The following RAB11FIP3 variants were observed in gnomAD, a reference collection of about 807,000 sequenced individuals.
The protein encoded by RAB11FIP3 is RAB11 family interacting protein 3.
RAB11FIP3 carries 17 observed loss-of-function variants against 77.8 expected under a neutral mutation model. That is an observed-to-expected ratio of 0.22 (90% CI 0.15 to 0.33). The LOEUF is 0.33. RAB11FIP3 is among the 10% of genes least tolerant of loss of function. The pLI, the probability that RAB11FIP3 is intolerant of heterozygous loss-of-function variation, is 1.00. For missense variants in RAB11FIP3, 1,005 were observed against 1,011.2 expected (o/e 0.99, Z 0.08); for synonymous variants, 437 against 448.2 (o/e 0.98, Z 0.31).
At position 507,939 on chromosome 16, in the gene RAB11FIP3, C is replaced by T. The variant is rs559070573; in HGVS notation, c.1499+2312C>T. ...TCAGTATCATCTGCCCGTTCTGAGC[C>T]ATTTGCTCTCTAGCTGTGCCGTACA... is the stretch of plus-strand genomic sequence containing the variant. On this transcript the variant is annotated intron_variant, in intron 8 of 13. Coordinates refer to ENST00000262305, the MANE Select transcript of RAB11FIP3 (RefSeq NM_014700.4). The surrounding 1 kb of genome is among the most constrained non-coding windows in gnomAD (Gnocchi z 4.6). Among the ~76,000 whole-genome samples, 166 of 152,378 alleles carry T rather than the reference C, an allele frequency of 1.1e-3. No individual in the cohort carries two copies. Among genetic ancestry groups the T allele is most frequent in the African/African-American group, 3.8e-3 (160 of 41,590 alleles).
chr16:432,999 G>T (rs1596182368), intron 1 of RAB11FIP3, among the ~76,000 whole-genome samples: 3 of 125,854 alleles, frequency 2.4e-5, no homozygotes, highest in Admixed American at 8.5e-5. Flanking sequence ...TAATGATCAA[G>T]TTGGGGTGTC....
At chr16:435,549 G>C (rs2055114129) in intron 1 of RAB11FIP3, among the ~76,000 whole-genome samples, 1 of 152,204 alleles carries the variant, frequency 6.6e-6, no homozygotes, top group South Asian at 2.1e-4. Flanking sequence ...AGAATTGAAA[G>C]AAGTTTTGAA....
chr16:474,449 G>A (rs2055863812), intron 3 of RAB11FIP3, among the ~76,000 whole-genome samples: 1 of 152,146 alleles, frequency 6.6e-6, no homozygotes, highest in Non-Finnish European at 1.5e-5. Context: ...GAGTAAGTGG[G>A]GAGAGTAGAA....
At chr16:516,976 G>A (rs1296207114) in intron 9 of RAB11FIP3, among the ~76,000 whole-genome samples, 1 of 152,252 alleles carries the variant, frequency 6.6e-6, no homozygotes, top group Non-Finnish European at 1.5e-5. Context: ...GGCTTCCAGA[G>A]GACAGAGCGG....
chr16:518,588 G>C (rs1006995328), intron 9 of RAB11FIP3, among the ~76,000 whole-genome samples: 1 of 151,880 alleles, frequency 6.6e-6, no homozygotes, highest in African/African-American at 2.4e-5. Context: ...AGCCGGGCGT[G>C]GTGGCAGGCG....
chr16:495,018 G>A (rs969453727), intron 5 of RAB11FIP3, among the ~76,000 whole-genome samples: 32 of 136,976 alleles, frequency 2.3e-4, no homozygotes, highest in African/African-American at 5.2e-4. Context: ...AGAGGTGGGA[G>A]GATCACATGA....
At chr16:487,134 T>C (rs996188970) in intron 4 of RAB11FIP3, among the ~76,000 whole-genome samples, 5 of 148,758 alleles carry the variant, frequency 3.4e-5, no homozygotes, top group East Asian at 3.9e-4. Flanking sequence ...TTGGTTTCTT[T>C]TTTTTTTTTT....
At position 426,498 on chromosome 16, in the gene RAB11FIP3, C is replaced by T. The variant is rs1244223477; in HGVS notation, c.492C>T (p.Phe164=). The T allele has an allele frequency of 1.9e-6, 3 of 1,580,016 alleles. No homozygotes were observed. Among genetic ancestry groups the T allele is most frequent in the Non-Finnish European group, 2.6e-6 (3 of 1,164,118 alleles). Residue 164 remains phenylalanine (F), a synonymous_variant, in exon 1 of 14, where the codon TTC becomes TTT. Coordinates refer to ENST00000262305, the MANE Select transcript of RAB11FIP3 (RefSeq NM_014700.4). The surrounding 1 kb of genome is among the most constrained non-coding windows in gnomAD (Gnocchi z 5.0). ...GCGAGGTCGACGTCTTCTCTCCCTT[C>T]CCCGCGCCCACGGCGGGCGAGCTGG... The part of the protein sequence containing the change: ...ARGEVDVFSP[F]PAPTAGELAL...
rs2031835755 is a variant in RAB11FIP3, at chr16:505,680, C to A, written c.1499+53C>A. 7.1e-7 allele frequency: 1 copy of A among 1,413,294 alleles called. No homozygotes were observed. Among genetic ancestry groups the A allele is most frequent in the African/African-American group, 1.4e-5 (1 of 70,674 alleles). The allele number at this position is 1,413,294 out of a possible 1,614,324, so 87.5% of individuals were successfully genotyped here. On this transcript the variant is annotated intron_variant, in intron 8 of 13. Transcript: ENST00000262305. The surrounding 1 kb of genome is among the most constrained non-coding windows in gnomAD (Gnocchi z 4.0). ...TCTGCGTGGCGCCTCCTGTGCCCGC[C>A]TGTCAGCCCCCATTTACTTCTCTTT...
chr16:462,863 CCTTCCTCAGCACAATGT>C (rs1010477895), intron 2 of RAB11FIP3, among the ~76,000 whole-genome samples: 1 of 151,768 alleles, frequency 6.6e-6, no homozygotes, highest in Admixed American at 6.6e-5. Flanking sequence ...CAGCACCATC[CCTTCCTCAGCACAATGT>C]CTTCCCCAGC....
intron 9 of RAB11FIP3, among the ~76,000 whole-genome samples, chr16:512,826 A>T (rs148680153): frequency 5.5e-4 from 84 of 152,198 alleles, no homozygotes; most frequent in African/African-American, 1.8e-3. Context: ...TAGAGGTGTG[A>T]GCCACTGCAC....
chr16:447,662 C>T (rs374148731), intron 1 of RAB11FIP3, among the ~76,000 whole-genome samples: 1 of 152,024 alleles, frequency 6.6e-6, no homozygotes, highest in Non-Finnish European at 1.5e-5. Context: ...GGTGTGAACC[C>T]GGGGGGCAGA....
chr16:458,564 C>T (rs917736121), intron 1 of RAB11FIP3, among the ~76,000 whole-genome samples: 15 of 150,524 alleles, frequency 1.0e-4, no homozygotes, highest in African/African-American at 3.2e-4. Flanking sequence ...GGGCCTTCCT[C>T]GGGTTCACCG....
rs1314436828 is a variant in RAB11FIP3, at chr16:510,670, C to G, written c.1510C>G (p.Leu504Val). The change falls in exon 9 of 14, where the codon CTG (leucine) becomes GTG (valine). Residue 504 changes from leucine (L) to valine (V), a missense_variant. Coordinates refer to ENST00000262305, the MANE Select transcript of RAB11FIP3 (RefSeq NM_014700.4). ...CCTTTGCCTTTCAAGAGCAAACGCC[C>G]TGGAGGAGCAGCTGAAGGAGCAGGA... ...NLQLVHRANA[L>V]EEQLKEQELR... The G allele has an allele frequency of 6.2e-7, 1 of 1,607,492 alleles. No individual in the cohort carries two copies. The highest frequency in any genetic ancestry group is 8.5e-7 in the Non-Finnish European group (1 of 1,177,630).
chr16:433,576 C>T (rs991606980), intron 1 of RAB11FIP3, among the ~76,000 whole-genome samples: 33 of 151,684 alleles, frequency 2.2e-4, no homozygotes, highest in African/African-American at 8.0e-4. Context: ...AGGCCGGATG[C>T]GGTGGCTCAC....
chr16:485,746 T>A (rs12927769), intron 4 of RAB11FIP3, among the ~76,000 whole-genome samples: 85,925 of 152,104 alleles, frequency 0.56, 24,485 homozygotes, highest in Middle Eastern at 0.66. Flanking sequence ...TAGTTGAGCT[T>A]ATCCATTTTT....
intron 4 of RAB11FIP3, among the ~76,000 whole-genome samples, chr16:485,632 C>T (rs1191293434): frequency 3.3e-5 from 5 of 152,202 alleles, no homozygotes; most frequent in Non-Finnish European, 5.9e-5. Flanking sequence ...AGGCTGGTCT[C>T]GAACTCCTGA....
chr16:439,646 G>A (rs2055192509), intron 1 of RAB11FIP3, among the ~76,000 whole-genome samples: 1 of 152,088 alleles, frequency 6.6e-6, no homozygotes, highest in Non-Finnish European at 1.5e-5. Context: ...ACAGCCTCAG[G>A]TACTCCTGAT....
intron 6 of RAB11FIP3, among the ~76,000 whole-genome samples, chr16:500,554 G>C (rs1399660274): frequency 6.6e-6 from 1 of 151,762 alleles, no homozygotes; most frequent in East Asian, 1.9e-4. Flanking sequence ...TGGGCATGGT[G>C]GCAGGTGCCT....
Sources: allele counts gnomAD v4.1 joint callset (sites outside exome capture counted in the v4.1 genomes callset), GRCh38; gene constraint gnomAD v4.1.1; non-coding constraint Gnocchi (gnomAD v3.1); transcripts MANE v1.5; gene names NCBI Gene and HGNC (gene_info 2026-07-23, HGNC 2026-07-21).